The following DOCK2 variants were observed in gnomAD, a reference collection of about 807,000 sequenced individuals.
DOCK2 encodes dedicator of cytokinesis protein 2.
In DOCK2, 87 loss-of-function variants were observed where a neutral mutation model predicts 248.9. The observed-to-expected ratio is 0.35, with a 90% CI of 0.29 to 0.42. The LOEUF (loss-of-function observed/expected upper bound fraction) is 0.42. Among genes scored for constraint, DOCK2 ranks in the 10% least tolerant of loss-of-function variants. The pLI is 1.00. For synonymous variants in DOCK2, 805 were observed against 821.6 expected, an observed-to-expected ratio of 0.98 and a Z score of 0.35; for missense variants, 1,747 against 2,300.2, an observed-to-expected ratio of 0.76 and a Z score of 4.92.
At chr5:169,933,373 GTGAGATGGGC>G (rs1775845813) in intron 27 of DOCK2, among the ~76,000 whole-genome samples, 1 of 152,214 alleles carries the variant, frequency 6.6e-6, no homozygotes, top group African/African-American at 2.4e-5. Flanking sequence ...TCATTAGTTT[GTGAGATGGGC>G]TGGCATCCAA....
At chr5:170,050,031 C>A (rs1324215297) in intron 40 of DOCK2, among the ~76,000 whole-genome samples, 4 of 152,204 alleles carry the variant, frequency 2.6e-5, no homozygotes, top group Non-Finnish European at 4.4e-5. Context: ...AAGTTCTCAG[C>A]ATCCATGATC....
At chr5:169,998,012 G>A (rs1398491275) in intron 30 of DOCK2, 1 of 456,294 alleles carries the variant, frequency 2.2e-6, no homozygotes, top group Non-Finnish European at 4.4e-6. Flanking sequence ...GGGCTTGCTG[G>A]AAGAATCCAC....
intron 32 of DOCK2, among the ~76,000 whole-genome samples, chr5:170,018,402 G>T (rs1052692581): frequency 8.5e-5 from 13 of 152,156 alleles, no homozygotes; most frequent in Non-Finnish European, 1.6e-4. Flanking sequence ...GGGAGGGGAT[G>T]GAGGGAATGC....
chr5:170,036,709 T>A (rs938145369), intron 36 of DOCK2, among the ~76,000 whole-genome samples, 154 bp downstream of exon 36: 3 of 152,258 alleles, frequency 2.0e-5, no homozygotes, highest in Admixed American at 6.5e-5. Context: ...TTCTCCAGAT[T>A]CAATTCCTTT....
chr5:169,918,885 G>A (rs537069334), intron 27 of DOCK2, among the ~76,000 whole-genome samples: 47 of 152,300 alleles, frequency 3.1e-4, no homozygotes, highest in East Asian at 1.2e-3. Context: ...ATTCCAGCCC[G>A]GACGACAGAG....
At chr5:169,793,379 A>G (rs926062319) in intron 25 of DOCK2, among the ~76,000 whole-genome samples, 22 of 152,210 alleles carry the variant, frequency 1.4e-4, no homozygotes, top group Admixed American at 9.2e-4. Context: ...GTAAGGAAGC[A>G]GGATAGTTTA....
chr5:169,824,595 T>G (rs12522513), intron 26 of DOCK2, among the ~76,000 whole-genome samples: 26,156 of 152,188 alleles, frequency 0.17, 2,606 homozygotes, highest in Admixed American at 0.24. Flanking sequence ...ACTGGATCCC[T>G]TCCTTACACC....
chr5:169,864,532 C>A, intron 27 of DOCK2: 1 of 1,166,938 alleles, frequency 8.6e-7, no homozygotes, highest in Non-Finnish European at 1.2e-6. Flanking sequence ...CTCTCAGCCC[C>A]AACTAATATG....
At position 169,764,147 on chromosome 5, in the gene DOCK2, A is replaced by G. The variant is rs1764638426; in HGVS notation, c.2554+2522A>G. Among the ~76,000 whole-genome samples the G allele has an allele frequency of 6.6e-6, 1 of 152,222 alleles. No homozygotes were observed. The highest frequency in any genetic ancestry group is 2.4e-5 in the African/African-American group (1 of 41,464). On this transcript the variant is annotated intron_variant, in intron 25 of 51. Transcript: ENST00000520908. This position sits in a 1 kb window ranked among gnomAD's most constrained non-coding sequence, Gnocchi z 4.3. ...ATTCCTCCTGTTATTCTCCCTGTGA[A>G]GTGTCCTGTGCCTCGGGGACGTGAT...
chr5:170,047,732 G>A, intron 40 of DOCK2, 118 bp downstream of exon 40: 5 of 847,618 alleles, frequency 5.9e-6, no homozygotes, highest in Non-Finnish European at 9.1e-6. Flanking sequence ...CTCTGTCTGA[G>A]TGCTGCCCCC....
intron 2 of DOCK2, among the ~76,000 whole-genome samples, chr5:169,655,373 G>A (rs1561572374): frequency 6.6e-6 from 1 of 152,212 alleles, no homozygotes; most frequent in African/African-American, 2.4e-5. Flanking sequence ...GGCCTGTTCT[G>A]CCCCCAGTGA....
At chr5:169,789,210 AT>A (rs1254226738) in intron 25 of DOCK2, among the ~76,000 whole-genome samples, 1 of 152,216 alleles carries the variant, frequency 6.6e-6, no homozygotes, top group Non-Finnish European at 1.5e-5. Context: ...GCCACATAGT[AT>A]TCCATGGTGT....
intron 27 of DOCK2, among the ~76,000 whole-genome samples, chr5:169,898,270 G>C (rs1319692694): frequency 6.6e-6 from 1 of 152,166 alleles, no homozygotes; most frequent in Admixed American, 6.5e-5. Context: ...TTTCTCATGG[G>C]GGCTCCGCTT....
chr5:169,801,164 T>TAAG (rs1766961218), intron 25 of DOCK2, among the ~76,000 whole-genome samples: 1 of 105,006 alleles, frequency 9.5e-6, no homozygotes, highest in African/African-American at 4.9e-5. Context: ...TTTTTTTTTT[T>TAAG]TTTTTTTTTT....
intron 30 of DOCK2, 123 bp downstream of exon 30, chr5:169,996,287 C>G: frequency 1.0e-6 from 1 of 969,520 alleles, no homozygotes; most frequent in South Asian, 1.8e-5. Flanking sequence ...TCCAGGGATT[C>G]CCACGGGGGG....
intron 27 of DOCK2, among the ~76,000 whole-genome samples, chr5:169,861,700 G>A (rs963266804): frequency 6.6e-6 from 1 of 152,204 alleles, no homozygotes; most frequent in Non-Finnish European, 1.5e-5. Context: ...GTATATGTGT[G>A]TGTGGTGTTT....
intron 23 of DOCK2, among the ~76,000 whole-genome samples, chr5:169,758,421 C>A (rs1338160007): frequency 6.6e-6 from 1 of 152,150 alleles, no homozygotes; most frequent in African/African-American, 2.4e-5. Flanking sequence ...TTTTCACCCT[C>A]ATGCCTTATC....
At chr5:169,892,464 T>C (rs1236349542) in intron 27 of DOCK2, among the ~76,000 whole-genome samples, 1 of 152,226 alleles carries the variant, frequency 6.6e-6, no homozygotes, top group Non-Finnish European at 1.5e-5. Context: ...TCTTCTCCAG[T>C]ACACCAGTGA....
At position 169,928,912 on chromosome 5, in the gene DOCK2, G is replaced by C. The variant is rs28371105; in HGVS notation, c.2800-54156G>C. The stretch of plus-strand genomic sequence containing the variant: ...TGTTTCTGTTCCTGCTTGAATAGTG[G>C]AATAATTAGCAGATAACTGCGCTAT... On this transcript the variant is annotated intron_variant, in intron 27 of 51. Coordinates refer to ENST00000520908, the MANE Select transcript of DOCK2 (RefSeq NM_004946.3). 5.2e-3 allele frequency among the ~76,000 whole-genome samples: 792 copies of C among 152,292 alleles called. 4 individuals carry two copies. The highest frequency in any genetic ancestry group is 0.017 in the African/African-American group (700 of 41,554).
Sources: gnomAD v4.1 joint callset for allele counts (sites outside exome capture counted in the v4.1 genomes callset) on GRCh38, gnomAD v4.1.1 for gene constraint, Gnocchi (gnomAD v3.1) non-coding constraint, MANE v1.5 for transcripts, NCBI Gene and HGNC (gene_info 2026-07-23, HGNC 2026-07-21) for gene names.